Variants in COX15 observed in about 807,000 individuals in gnomAD.
COX15 encodes cytochrome c oxidase assembly factor COX15.
Under a neutral mutation model 51.9 loss-of-function variants are expected in COX15, and 51 were observed. That is an observed-to-expected ratio of 0.98 (90% CI 0.78 to 1.24). COX15 has a LOEUF of 1.24. Ranked by LOEUF, COX15 falls within the 50% of genes most tolerant of loss-of-function variation. The pLI is 0.00. For synonymous variants in COX15, 188 were observed against 190.5 expected, an observed-to-expected ratio of 0.99 and a Z score of 0.11; for missense variants, 420 against 501.1, an observed-to-expected ratio of 0.84 and a Z score of 1.55.
chr10:99,695,444 C>T, the COX15 span, among the ~76,000 whole-genome samples: 2 of 152,126 alleles, frequency 1.3e-5, no homozygotes, highest in South Asian at 4.2e-4. Flanking sequence ...ATTGCTTGAA[C>T]CCGGGAGGCG....
intron 7 of COX15, among the ~76,000 whole-genome samples, chr10:99,717,929 T>G (rs941433903): frequency 6.6e-6 from 1 of 152,214 alleles, no homozygotes. Context: ...AAAGTACTGG[T>G]GAAGCTCCTG....
chr10:99,729,335 G>A (rs1201966466), intron 2 of COX15, among the ~76,000 whole-genome samples: 2 of 151,690 alleles, frequency 1.3e-5, no homozygotes, highest in African/African-American at 2.4e-5. Context: ...GGTGGCACGC[G>A]CCTAGTCCCA....
At chr10:99,731,810 C>A (rs2037157287) in intron 1 of COX15, 150 bp downstream of exon 1, 1 of 995,914 alleles carries the variant, frequency 1.0e-6, no homozygotes, top group Non-Finnish European at 1.5e-6. Flanking sequence ...TGTTCCAGAT[C>A]TGAACCTAGG....
At chr10:99,724,779 T>G (rs2036897430) in intron 4 of COX15, among the ~76,000 whole-genome samples, 1 of 151,328 alleles carries the variant, frequency 6.6e-6, no homozygotes, top group African/African-American at 2.4e-5. Flanking sequence ...AAAACTAGAT[T>G]GAATGTTTTG....
downstream of COX15, chr10:99,708,915 A>G (rs2133544284): frequency 1.0e-6 from 1 of 985,440 alleles, no homozygotes; most frequent in Non-Finnish European, 1.2e-6. Flanking sequence ...ACAGCTGGCC[A>G]CAACTAACCA....
intron 6 of COX15, among the ~76,000 whole-genome samples, chr10:99,719,042 T>A (rs2036672454): frequency 6.6e-6 from 1 of 152,194 alleles, no homozygotes; most frequent in South Asian, 2.1e-4. Flanking sequence ...GCGTTATCTG[T>A]CTTCCCCAAA....
At chr10:99,704,667 T>A in the COX15 span, 1 of 1,613,606 alleles carries the variant, frequency 6.2e-7, no homozygotes, top group South Asian at 1.1e-5. Flanking sequence ...ATGATGGGAG[T>A]ACAGGTGGGG....
chr10:99,711,101 C>G lies in COX15; in HGVS notation c.*3486G>C. ...GGGAGTGCTGGGAATAACATAAATACAAAAAAAACCCTAAGATAATCATTC... is the reference window on the plus strand; with the variant it reads ...GGGAGTGCTGGGAATAACATAAATAGAAAAAAAACCCTAAGATAATCATTC... On this transcript the variant is annotated 3_prime_UTR_variant, in exon 9 of 9. Transcript: ENST00000016171. 1.0e-6 allele frequency: 1 copy of G among 975,984 alleles called. No individual in the cohort carries two copies. Among genetic ancestry groups the G allele is most frequent in the African/African-American group, 1.8e-5 (1 of 56,994 alleles). The allele number at this position is 975,984 out of a possible 1,614,324, so 60.5% of individuals were successfully genotyped here.
At chr10:99,710,079 T>A (rs2036334692), downstream of COX15, 2 of 985,316 alleles carry the variant, frequency 2.0e-6, no homozygotes, top group African/African-American at 3.5e-5. Flanking sequence ...TAAAGACATG[T>A]CTGCTCCTGA....
At chr10:99,722,203 T>C (rs1054750491) in intron 5 of COX15, among the ~76,000 whole-genome samples, 4 of 152,238 alleles carry the variant, frequency 2.6e-5, no homozygotes, top group African/African-American at 9.6e-5. Flanking sequence ...ATGTAGCTAG[T>C]AGCTACTGTG....
chr10:99,706,758 C>G (rs1171367412), downstream of COX15, among the ~76,000 whole-genome samples: 1 of 152,160 alleles, frequency 6.6e-6, no homozygotes, highest in Non-Finnish European at 1.5e-5. Context: ...CTTATGAATG[C>G]TGCTTAAAAA....
At position 99,713,639 on chromosome 10, in the gene COX15, T is replaced by C; in HGVS notation, c.*948A>G. 9.7e-7 allele frequency: 1 copy of C among 1,030,970 alleles called. No individual in the cohort carries two copies. The highest frequency in any genetic ancestry group is 1.4e-6 in the Non-Finnish European group (1 of 709,762). The allele number at this position is 1,030,970 out of a possible 1,614,324, so 63.9% of individuals were successfully genotyped here. Reference sequence around the variant, plus strand: ...GAACCAATTTATACTGTCGATTCCATTCCTCTCTCTGACCTTGTAATGTTA... The same window carrying C: ...GAACCAATTTATACTGTCGATTCCACTCCTCTCTCTGACCTTGTAATGTTA... On this transcript the variant is annotated 3_prime_UTR_variant, in exon 9 of 9. Coordinates refer to ENST00000016171, the MANE Select transcript of COX15 (RefSeq NM_078470.6).
At chr10:99,694,699 G>C in the COX15 span, among the ~76,000 whole-genome samples, 1 of 151,946 alleles carries the variant, frequency 6.6e-6, no homozygotes, top group African/African-American at 2.4e-5. Context: ...ACCATGCCTG[G>C]CTAATTTTTG....
At chr10:99,709,787 T>G, downstream of COX15, 2 of 985,384 alleles carry the variant, frequency 2.0e-6, no homozygotes, top group Non-Finnish European at 1.2e-6. Flanking sequence ...TTATTACACA[T>G]TTCTCTTTTG....
At chr10:99,719,476 A>C (rs1032213686) in intron 6 of COX15, among the ~76,000 whole-genome samples, 1 of 149,572 alleles carries the variant, frequency 6.7e-6, no homozygotes, top group Non-Finnish European at 1.5e-5. Flanking sequence ...TTACAGGCAT[A>C]AGCCACCATG....
chr10:99,717,783 C>T (rs923594164), intron 7 of COX15, among the ~76,000 whole-genome samples: 3 of 152,210 alleles, frequency 2.0e-5, no homozygotes, highest in African/African-American at 7.2e-5. Flanking sequence ...CCTGGCATTA[C>T]GCAGCAGCAC....
At chr10:99,702,005 C>T in the COX15 span, among the ~76,000 whole-genome samples, 4 of 151,794 alleles carry the variant, frequency 2.6e-5, no homozygotes, top group East Asian at 3.9e-4. Context: ...GCTGAGATCG[C>T]GCCACTGCAC....
chr10:99,725,501 T>C (rs565179872), intron 4 of COX15, among the ~76,000 whole-genome samples: 13 of 152,194 alleles, frequency 8.5e-5, no homozygotes, highest in Non-Finnish European at 1.8e-4. Context: ...TAGACTTTGA[T>C]TATTGTTTCT....
chr10:99,704,115 T>C, the COX15 span, among the ~76,000 whole-genome samples: 2 of 152,218 alleles, frequency 1.3e-5, no homozygotes, highest in African/African-American at 4.8e-5. Flanking sequence ...TAGTACTGTA[T>C]TTATAAGCCA....
Sources: allele counts gnomAD v4.1 joint callset (sites outside exome capture counted in the v4.1 genomes callset), GRCh38; gene constraint gnomAD v4.1.1; transcripts MANE v1.5; gene names NCBI Gene and HGNC (gene_info 2026-07-23, HGNC 2026-07-21).